Variants in INPP5K observed in about 807,000 individuals in gnomAD.
The protein encoded by INPP5K is inositol polyphosphate-5-phosphatase K.
In INPP5K, 35 loss-of-function variants were observed where a neutral mutation model predicts 53.5. The observed-to-expected ratio is 0.65, with a 90% CI of 0.50 to 0.87. The LOEUF (loss-of-function observed/expected upper bound fraction) is 0.87. INPP5K is among the 40% of genes least tolerant of loss of function. INPP5K has a pLI of 0.00. For synonymous variants in INPP5K, 253 were observed against 232.8 expected (o/e 1.09, Z -0.79); for missense variants, 550 against 586.2 (o/e 0.94, Z 0.64).
At position 1,495,589 on chromosome 17, in the gene INPP5K, A is replaced by G. The variant is rs1004157254; in HGVS notation, c.*234T>C. ...CCCAGGTCTTCACTGTTGACACACTAGCTGGTTTCACTCACATCTCAGCAA... is the reference window on the plus strand; with the variant it reads ...CCCAGGTCTTCACTGTTGACACACTGGCTGGTTTCACTCACATCTCAGCAA... On this transcript the variant is annotated 3_prime_UTR_variant, in exon 12 of 12. Coordinates refer to ENST00000421807, the MANE Select transcript of INPP5K (RefSeq NM_016532.4). 3 of 532,414 alleles carry G rather than the reference A, an allele frequency of 5.6e-6. No homozygotes were observed. The allele number at this position is 532,414 out of a possible 1,614,324, so 33.0% of individuals were successfully genotyped here. A position where few individuals can be genotyped will look rare whatever the true frequency, so the allele number is the denominator to read the frequency against.
chr17:1,514,298 G>A (rs1238866761), intron 1 of INPP5K, among the ~76,000 whole-genome samples: 1 of 150,492 alleles, frequency 6.6e-6, no homozygotes, highest in African/African-American at 2.5e-5. Context: ...ACTCCAGCCT[G>A]GGTGACAGAG....
At chr17:1,497,037 G>A (rs761965541) in intron 8 of INPP5K, among the ~76,000 whole-genome samples, 1 of 152,216 alleles carries the variant, frequency 6.6e-6, no homozygotes, top group Non-Finnish European at 1.5e-5. Flanking sequence ...GCCCAGCGCT[G>A]GGGGGTAGGA....
chr17:1,508,302 G>T, intron 5 of INPP5K, 76 bp from the exon 6 acceptor site: 2 of 1,179,526 alleles, frequency 1.7e-6, no homozygotes, highest in Non-Finnish European at 2.5e-6. Flanking sequence ...GGCTCAGCCT[G>T]CTCAACCCAA....
intron 3 of INPP5K, among the ~76,000 whole-genome samples, chr17:1,511,242 G>A (rs188185813): frequency 6.6e-6 from 1 of 152,300 alleles, no homozygotes; most frequent in Admixed American, 6.5e-5. Flanking sequence ...TTGTAGTTGA[G>A]GAACTAAGAT....
intron 7 of INPP5K, among the ~76,000 whole-genome samples, chr17:1,505,484 T>C (rs1204141729): frequency 1.3e-5 from 2 of 152,094 alleles, no homozygotes; most frequent in African/African-American, 4.8e-5. Flanking sequence ...CCGGCCATCC[T>C]GCTGCAGCCT....
intron 10 of INPP5K, 36 bp downstream of exon 10, chr17:1,496,283 T>C (rs767433598): frequency 6.5e-7 from 1 of 1,530,840 alleles, no homozygotes; most frequent in South Asian, 1.2e-5. Context: ...GAGGCAGGCC[T>C]GCCTGCTGGT....
chr17:1,507,308 C>G, intron 6 of INPP5K: 1 of 555,696 alleles, frequency 1.8e-6, no homozygotes, highest in Non-Finnish European at 3.2e-6. Context: ...GGGGAGGCAG[C>G]TGTCTGCCGT....
chr17:1,512,863 T>C (rs1001379577), intron 3 of INPP5K, among the ~76,000 whole-genome samples: 1 of 152,290 alleles, frequency 6.6e-6, no homozygotes, highest in Non-Finnish European at 1.5e-5. Context: ...ACGCCTAAGA[T>C]CTGTCAGTCT....
chr17:1,497,163 C>A (rs1264489115), intron 8 of INPP5K, among the ~76,000 whole-genome samples: 2 of 152,184 alleles, frequency 1.3e-5, no homozygotes, highest in Admixed American at 6.6e-5. Flanking sequence ...CTGGTGAGAA[C>A]AGCTGTGAAC....
At chr17:1,513,094 T>C (rs2075345841) in intron 3 of INPP5K, among the ~76,000 whole-genome samples, 1 of 152,202 alleles carries the variant, frequency 6.6e-6, no homozygotes, top group Non-Finnish European at 1.5e-5. Flanking sequence ...ACTTGATAAA[T>C]GACAGCCGTA....
rs915449066 is a variant in INPP5K at position 1,501,248 on chromosome 17, G to A, written c.777-3126C>T. On this transcript the variant is annotated intron_variant, in intron 7 of 11. Transcript: ENST00000421807. ...GCTGGGATTATAGGCGTGAGCCACC[G>A]TGCCTGGCCTATTCAACTGCTATTT... Among the ~76,000 whole-genome samples the A allele has an allele frequency of 3.9e-5, 6 of 152,334 alleles. No homozygotes were observed. In the East Asian group the frequency reaches 5.8e-4, roughly 15 times the overall value.
rs1425133966 is a variant in INPP5K, at chr17:1,509,644, C to G, written c.378+39G>C. 7.5e-6 allele frequency: 10 copies of G among 1,336,600 alleles called. No individual in the cohort carries two copies. In the South Asian group the frequency reaches 1.2e-4, roughly 16 times the overall value. The allele number at this position is 1,336,600 out of a possible 1,614,324, so 82.8% of individuals were successfully genotyped here. A position where few individuals can be genotyped will look rare whatever the true frequency, so the allele number is the denominator to read the frequency against. Reference sequence around the variant, plus strand: ...TTGCCCAGCTCCACAGTTCCCAGCCCTTCCCAGCTCACGACTCAGACAATA... The same window carrying G: ...TTGCCCAGCTCCACAGTTCCCAGCCGTTCCCAGCTCACGACTCAGACAATA... On this transcript the variant is annotated intron_variant, in intron 4 of 11. Coordinates refer to ENST00000421807, the MANE Select transcript of INPP5K (RefSeq NM_016532.4).
At chr17:1,498,147 G>A (rs1223957738) in intron 7 of INPP5K, 25 bp from the exon 8 acceptor site, 4 of 1,559,028 alleles carry the variant, frequency 2.6e-6, no homozygotes, top group South Asian at 1.1e-5. Context: ...GGCATAAAGA[G>A]GAAGAATGGG....
At chr17:1,511,289 T>C (rs1048880659) in intron 3 of INPP5K, among the ~76,000 whole-genome samples, 3 of 152,228 alleles carry the variant, frequency 2.0e-5, no homozygotes, top group African/African-American at 7.2e-5. Flanking sequence ...CTACCTGTAT[T>C]GTAAAACAAC....
chr17:1,511,629 C>A (rs749030480), intron 3 of INPP5K, among the ~76,000 whole-genome samples: 1 of 152,146 alleles, frequency 6.6e-6, no homozygotes, highest in Non-Finnish European at 1.5e-5. Context: ...ACAGGTGTGT[C>A]CTCAAGCCTA....
chr17:1,508,411 AC>A (rs2075216754), intron 5 of INPP5K, 185 bp from the exon 6 acceptor site: 2 of 583,550 alleles, frequency 3.4e-6, no homozygotes, highest in South Asian at 3.9e-5. Context: ...CACCATTCAA[AC>A]CGGAGAGACC....
intron 7 of INPP5K, among the ~76,000 whole-genome samples, chr17:1,503,754 G>A (rs2075090875): frequency 6.6e-6 from 1 of 152,088 alleles, no homozygotes; most frequent in Non-Finnish European, 1.5e-5. Flanking sequence ...GCTCACAGTG[G>A]CAACTATAAC....
chr17:1,510,777 C>G (rs1177901673), intron 3 of INPP5K, among the ~76,000 whole-genome samples: 9 of 152,138 alleles, frequency 5.9e-5, no homozygotes, highest in Non-Finnish European at 4.4e-5. Flanking sequence ...CAGGTGTGCA[C>G]CAACATGCCC....
At chr17:1,505,451 C>G (rs965559402) in intron 7 of INPP5K, among the ~76,000 whole-genome samples, 2 of 152,064 alleles carry the variant, frequency 1.3e-5, no homozygotes. Context: ...GACTGGCAGT[C>G]TCCCTGCAGC....
Sources: allele counts gnomAD v4.1 joint callset (sites outside exome capture counted in the v4.1 genomes callset), GRCh38; gene constraint gnomAD v4.1.1; transcripts MANE v1.5; gene names NCBI Gene and HGNC (gene_info 2026-07-23, HGNC 2026-07-21).